Variants in C7 observed in about 807,000 individuals in gnomAD.
C7 encodes complement C7, also known as complement component C7.
A neutral mutation model predicts 104.8 loss-of-function variants in C7; 83 were observed. The observed-to-expected ratio is 0.79, with a 90% CI of 0.66 to 0.95. The LOEUF is 0.95. C7 is among the 40% of genes least tolerant of loss of function. The pLI is 0.00. For missense variants in C7, 1,070 were observed against 1,011.2 expected (o/e 1.06, Z -0.79); for synonymous variants, 415 against 360.6 (o/e 1.15, Z -1.71).
chr5:40,934,698 G>A (rs187457758), intron 4 of C7, among the ~76,000 whole-genome samples: 1 of 152,222 alleles, frequency 6.6e-6, no homozygotes, highest in East Asian at 1.9e-4. Flanking sequence ...TTGTCTCTTT[G>A]AATGGAACTC....
chr5:40,970,649 G>C (rs1196873126), intron 14 of C7, among the ~76,000 whole-genome samples: 2 of 152,014 alleles, frequency 1.3e-5, no homozygotes, highest in African/African-American at 4.8e-5. Flanking sequence ...GTGCAGGTTT[G>C]TTACATAGGT....
intron 13 of C7, 99 bp from the exon 14 acceptor site, chr5:40,964,642 C>A: frequency 9.6e-7 from 1 of 1,041,516 alleles, no homozygotes; most frequent in Non-Finnish European, 1.4e-6. Context: ...TGTAGCTTGC[C>A]TGATGATTAT....
intron 13 of C7, among the ~76,000 whole-genome samples, 152 bp downstream of exon 13, chr5:40,962,324 G>A (rs146210502): frequency 5.3e-4 from 80 of 152,276 alleles, no homozygotes; most frequent in African/African-American, 1.7e-3. Context: ...TTTAGTGTGT[G>A]ACTTTTTTTC....
intron 1 of C7, among the ~76,000 whole-genome samples, chr5:40,918,103 T>C (rs755220820): frequency 1.3e-5 from 2 of 152,122 alleles, no homozygotes; most frequent in Non-Finnish European, 2.9e-5. Context: ...ATACCACTAT[T>C]GAAAACTGCG....
chr5:40,941,444 G>A (rs143714980), intron 6 of C7, among the ~76,000 whole-genome samples: 1 of 152,176 alleles, frequency 6.6e-6, no homozygotes, highest in East Asian at 1.9e-4. Context: ...TAAGAAATGA[G>A]GTTATGAGTG....
chr5:40,947,097 AT>A (rs70988819), intron 7 of C7, among the ~76,000 whole-genome samples: 65,973 of 127,108 alleles, frequency 0.52, 16,869 homozygotes, highest in Middle Eastern at 0.59. Context: ...CATTACTCAG[AT>A]TTTTTTTTTT....
At chr5:40,928,250 T>C (rs1379423588) in intron 1 of C7, among the ~76,000 whole-genome samples, 1 of 152,028 alleles carries the variant, frequency 6.6e-6, no homozygotes, top group African/African-American at 2.4e-5. Context: ...GAGACTGGGG[T>C]AATAGGGAAA....
At chr5:40,963,656 C>T (rs1234423101) in intron 13 of C7, among the ~76,000 whole-genome samples, 1 of 152,142 alleles carries the variant, frequency 6.6e-6, no homozygotes, top group Non-Finnish European at 1.5e-5. Context: ...TTTTCACCAT[C>T]CCCTTGGGTG....
At chr5:40,942,733 C>T (rs1345897710) in intron 6 of C7, among the ~76,000 whole-genome samples, 1 of 150,890 alleles carries the variant, frequency 6.6e-6, no homozygotes, top group Non-Finnish European at 1.5e-5. Flanking sequence ...TTTGTAGTGG[C>T]ACCAATCCGT....
intron 14 of C7, 34 bp from the exon 15 acceptor site, chr5:40,972,369 A>G (rs773827492): frequency 2.5e-6 from 4 of 1,586,112 alleles, no homozygotes; most frequent in East Asian, 2.2e-5. Context: ...TAGGAGAGCA[A>G]CGACCCTTAT....
At chr5:40,966,335 T>A (rs570360292) in intron 14 of C7, among the ~76,000 whole-genome samples, 2 of 151,948 alleles carry the variant, frequency 1.3e-5, no homozygotes, top group South Asian at 4.2e-4. Flanking sequence ...ATAGCTTAGC[T>A]CCCACTTGTG....
intron 9 of C7, among the ~76,000 whole-genome samples, chr5:40,954,672 C>T (rs1740245881): frequency 6.6e-6 from 1 of 151,544 alleles, no homozygotes; most frequent in Non-Finnish European, 1.5e-5. Context: ...TGACTTGAGG[C>T]CAGGAGTTCG....
Position 40,909,974 on chromosome 5 carries a change from AT to A in C7, c.6+376del, listed in dbSNP as rs1259880340. The stretch of plus-strand genomic sequence containing the variant: ...CTTGGGAAAAACTTTCCTCTGGTGT[AT>A]TTTTTTTTTTTTTTTTTGCTTGTTT... On this transcript the variant is annotated intron_variant, in intron 1 of 17. Coordinates refer to ENST00000313164, the MANE Select transcript of C7 (RefSeq NM_000587.4). Among the ~76,000 whole-genome samples, 1,073 of 124,590 alleles carry A rather than the reference AT, an allele frequency of 8.6e-3. 8 individuals carry two copies. Among genetic ancestry groups the A allele is most frequent in the African/African-American group, 0.024 (795 of 33,008 alleles). 81.7% of individuals were successfully genotyped at this position (124,590 alleles called of 152,430 possible). A position where few individuals can be genotyped will look rare whatever the true frequency, so the allele number is the denominator to read the frequency against.
chr5:40,965,979 G>A (rs991579965), intron 14 of C7, among the ~76,000 whole-genome samples: 6 of 151,914 alleles, frequency 3.9e-5, no homozygotes, highest in African/African-American at 1.4e-4. Context: ...ATAATGTTAA[G>A]CTTGTTTTCA....
At chr5:40,913,523 C>T (rs998519241) in intron 1 of C7, among the ~76,000 whole-genome samples, 2 of 152,084 alleles carry the variant, frequency 1.3e-5, no homozygotes, top group South Asian at 4.1e-4. Context: ...GAGATGGTGT[C>T]TTGCTCTGTT....
intron 7 of C7, among the ~76,000 whole-genome samples, chr5:40,946,735 G>A (rs1740057820): frequency 6.6e-6 from 1 of 151,954 alleles, no homozygotes; most frequent in Non-Finnish European, 1.5e-5. Flanking sequence ...GTTGAAGATG[G>A]CATAGCAACT....
At chr5:40,969,901 G>A (rs536683597) in intron 14 of C7, among the ~76,000 whole-genome samples, 4 of 151,730 alleles carry the variant, frequency 2.6e-5, no homozygotes, top group Non-Finnish European at 4.4e-5. Flanking sequence ...TTAGTGCTCT[G>A]ATTCTTTCAG....
chr5:40,983,278 A>G lies in C7; in HGVS notation c.*1705A>G, dbSNP rs907349968. Among the ~76,000 whole-genome samples, 4 of 152,240 alleles carry G rather than the reference A, an allele frequency of 2.6e-5. No homozygotes were observed. Among genetic ancestry groups the G allele is most frequent in the Non-Finnish European group, 5.9e-5 (4 of 68,048 alleles). ...TTCATTTGGAAGGAAATACCTCAGT[A>G]TCCTTCCAATAATTTCTCCTCTTAG... On this transcript the variant is annotated 3_prime_UTR_variant, in exon 18 of 18. Coordinates refer to ENST00000313164, the MANE Select transcript of C7 (RefSeq NM_000587.4).
intron 16 of C7, among the ~76,000 whole-genome samples, chr5:40,979,343 AT>A (rs1740887930): frequency 6.6e-6 from 1 of 152,132 alleles, no homozygotes; most frequent in Admixed American, 6.5e-5. Context: ...CCTGCAATTA[AT>A]GGTCCCATTT....
Sources: allele counts gnomAD v4.1 joint callset (sites outside exome capture counted in the v4.1 genomes callset), GRCh38; gene constraint gnomAD v4.1.1; transcripts MANE v1.5; gene names NCBI Gene and HGNC (gene_info 2026-07-23, HGNC 2026-07-21).